Variants in CDK6 observed in about 807,000 individuals in gnomAD.
CDK6 encodes the protein cyclin-dependent kinase 6.
Under a neutral mutation model 37.1 loss-of-function variants are expected in CDK6, and 6 were observed. The observed-to-expected ratio is 0.16, with a 90% CI of 0.09 to 0.32. The LOEUF is 0.32. CDK6 is among the 10% of genes least tolerant of loss of function. The pLI is 1.00. For missense variants in CDK6, 224 were observed against 418.9 expected (o/e 0.53, Z 4.06); for synonymous variants, 160 against 161.3 (o/e 0.99, Z 0.06).
chr7:92,794,743 T>C (rs149104844), intron 2 of CDK6, among the ~76,000 whole-genome samples: 48 of 152,240 alleles, frequency 3.2e-4, no homozygotes, highest in African/African-American at 1.1e-3. Context: ...GATTGCTGAA[T>C]GGATATATAA....
chr7:92,818,068 G>C (rs1264608106), intron 2 of CDK6, among the ~76,000 whole-genome samples: 1 of 151,932 alleles, frequency 6.6e-6, no homozygotes, highest in Non-Finnish European at 1.5e-5. Context: ...GAGATTAAAT[G>C]CTATCCCAAT....
At chr7:92,791,570 T>C (rs1487450880) in intron 2 of CDK6, among the ~76,000 whole-genome samples, 6 of 152,080 alleles carry the variant, frequency 3.9e-5, no homozygotes, top group Non-Finnish European at 8.8e-5. Context: ...GATGATGAGT[T>C]GAAGTCAAAG....
intron 2 of CDK6, among the ~76,000 whole-genome samples, chr7:92,792,135 T>C (rs1304177744): frequency 6.6e-6 from 1 of 152,016 alleles, no homozygotes; most frequent in African/African-American, 2.4e-5. Context: ...AGGTAAAAAA[T>C]ATAGACAGAT....
chr7:92,666,510 T>C (rs1264019992), intron 5 of CDK6, among the ~76,000 whole-genome samples: 3 of 152,246 alleles, frequency 2.0e-5, no homozygotes, highest in African/African-American at 7.2e-5. Context: ...AGTGGTTATA[T>C]ATTTATTCTA....
rs1798497101 is a variant in CDK6 at position 92,725,776 on chromosome 7, A to T, written c.387T>A (p.Leu129=). 21 of 1,613,070 alleles carry T rather than the reference A, an allele frequency of 1.3e-5. No individual in the cohort carries two copies. Among genetic ancestry groups the T allele is most frequent in the Non-Finnish European group, 1.8e-5 (21 of 1,179,690 alleles). The change falls in exon 4 of 8, where the codon CTT becomes CTA. Residue 129 remains leucine, a synonymous_variant. Coordinates refer to ENST00000424848, the MANE Select transcript of CDK6 (RefSeq NM_001145306.2). ...TETIKDMMFQ[L]LRGLDFLHSH... ...AATGAAGAAAGTCCAGACCTCGGAGAAGCTGAAACATCATATCCTAATAAA... is the reference window on the plus strand; with the variant it reads ...AATGAAGAAAGTCCAGACCTCGGAGTAGCTGAAACATCATATCCTAATAAA...
At chr7:92,642,481 A>G (rs976411834) in intron 5 of CDK6, among the ~76,000 whole-genome samples, 1 of 152,062 alleles carries the variant, frequency 6.6e-6, no homozygotes. Flanking sequence ...AGGTCCTTGG[A>G]CTTTTTTGAT....
At chr7:92,779,892 T>G (rs935015971) in intron 2 of CDK6, among the ~76,000 whole-genome samples, 9 of 152,260 alleles carry the variant, frequency 5.9e-5, no homozygotes, top group Non-Finnish European at 1.0e-4. Flanking sequence ...TGCTTTTTTT[T>G]GTCTACAATG....
intron 4 of CDK6, 38 bp from the exon 5 acceptor site, chr7:92,671,573 T>C: frequency 7.6e-7 from 1 of 1,307,916 alleles, no homozygotes; most frequent in Non-Finnish European, 1.1e-6. Flanking sequence ...ACTGAGAAGG[T>C]GGCTGTTGGC....
intron 4 of CDK6, among the ~76,000 whole-genome samples, chr7:92,719,441 T>A (rs1430000085): frequency 1.3e-5 from 2 of 152,242 alleles, no homozygotes; most frequent in Non-Finnish European, 2.9e-5. Context: ...TGTTTAACAT[T>A]TACTTGTTGT....
At chr7:92,641,041 A>G (rs1796293145) in intron 5 of CDK6, among the ~76,000 whole-genome samples, 1 of 152,232 alleles carries the variant, frequency 6.6e-6, no homozygotes, top group African/African-American at 2.4e-5. Flanking sequence ...TAATTTTACA[A>G]GAAAATTAAA....
intron 5 of CDK6, among the ~76,000 whole-genome samples, chr7:92,658,200 A>C (rs1327915854): frequency 3.3e-5 from 5 of 152,222 alleles, no homozygotes; most frequent in Admixed American, 3.3e-4. Flanking sequence ...TGGTTTAGCT[A>C]GCACAATTTA....
At chr7:92,750,899 T>G (rs946997164) in intron 3 of CDK6, among the ~76,000 whole-genome samples, 2 of 152,200 alleles carry the variant, frequency 1.3e-5, no homozygotes, top group Admixed American at 6.5e-5. Flanking sequence ...TTTCAACAGC[T>G]AATAAGCCAT....
At position 92,610,996 on chromosome 7, in the gene CDK6, T is replaced by A. The variant is rs576300247; in HGVS notation, c.*4144A>T. Reference sequence around the variant, plus strand: ...TGCTTGGGACAGCTTCTCCATAACATTTGTTTTCGACCATATTAATCCCAC... The same window carrying A: ...TGCTTGGGACAGCTTCTCCATAACAATTGTTTTCGACCATATTAATCCCAC... On this transcript the variant is annotated 3_prime_UTR_variant, in exon 8 of 8. Transcript: ENST00000424848. The A allele has an allele frequency of 6.2e-4, 141 of 227,764 alleles. No individual in the cohort carries two copies. Among genetic ancestry groups the A allele is most frequent in the Admixed American group, 2.6e-3 (46 of 17,616 alleles). 14.1% of individuals were successfully genotyped at this position (227,764 alleles called of 1,614,324 possible).
At chr7:92,792,866 A>G (rs545174039) in intron 2 of CDK6, among the ~76,000 whole-genome samples, 34 of 152,034 alleles carry the variant, frequency 2.2e-4, no homozygotes, top group Non-Finnish European at 3.2e-4. Flanking sequence ...TTGGGAAGTT[A>G]TCAGCCTCCA....
chr7:92,799,427 G>A (rs1381235414), intron 2 of CDK6, among the ~76,000 whole-genome samples: 1 of 151,510 alleles, frequency 6.6e-6, no homozygotes, highest in Non-Finnish European at 1.5e-5. Flanking sequence ...TACTTCTCTT[G>A]TGTCTGCTTT....
Position 92,607,948 on chromosome 7 carries a change from TCA to T in CDK6, c.*7190_*7191del, listed in dbSNP as rs1305485405. 1.7e-5 allele frequency: 4 copies of T among 233,358 alleles called. No homozygotes were observed. Among genetic ancestry groups the T allele is most frequent in the Non-Finnish European group, 3.4e-5 (4 of 117,954 alleles). 14.5% of individuals were successfully genotyped at this position (233,358 alleles called of 1,614,324 possible). On this transcript the variant is annotated 3_prime_UTR_variant, in exon 8 of 8. Transcript: ENST00000424848. ...TTACTGCTGGGATTTGTTTTATTAT[TCA>T]GACTTTAAGATCAAACTGAGAGTTG...
intron 3 of CDK6, among the ~76,000 whole-genome samples, chr7:92,738,700 T>C (rs1273440997): frequency 6.6e-6 from 1 of 151,938 alleles, no homozygotes; most frequent in Non-Finnish European, 1.5e-5. Context: ...TGGGCATCCC[T>C]ATAGATGGGA....
chr7:92,808,149 ATAGT>A (rs373163818), intron 2 of CDK6, among the ~76,000 whole-genome samples: 12 of 152,328 alleles, frequency 7.9e-5, no homozygotes, highest in African/African-American at 2.6e-4. Flanking sequence ...ATGTTTAGTG[ATAGT>A]TAAGTAGAAC....
At chr7:92,709,620 T>C (rs1352681037) in intron 4 of CDK6, among the ~76,000 whole-genome samples, 1 of 152,212 alleles carries the variant, frequency 6.6e-6, no homozygotes, top group Non-Finnish European at 1.5e-5. Flanking sequence ...TTTAATCATA[T>C]GAATATATTA....
Sources: allele counts gnomAD v4.1 joint callset (sites outside exome capture counted in the v4.1 genomes callset), GRCh38; gene constraint gnomAD v4.1.1; transcripts MANE v1.5; gene names NCBI Gene and HGNC (gene_info 2026-07-23, HGNC 2026-07-21).